The following NID1 variants were observed in gnomAD, a reference collection of about 807,000 sequenced individuals.
NID1 encodes the protein nidogen-1.
NID1 carries 76 observed loss-of-function variants against 130.6 expected under a neutral mutation model. The ratio of observed to expected loss-of-function variants is 0.58; its 90% CI spans 0.48 to 0.70. The LOEUF is 0.70. Ranked by LOEUF, NID1 falls within the 30% of genes least tolerant of loss-of-function variation. NID1 has a pLI of 0.00. For missense variants in NID1, 1,517 were observed against 1,664.8 expected (o/e 0.91, Z 1.54); for synonymous variants, 665 against 675.1 (o/e 0.98, Z 0.23).
At chr1:236,028,021 C>G (rs1558438742) in intron 7 of NID1, among the ~76,000 whole-genome samples, 1 of 152,042 alleles carries the variant, frequency 6.6e-6, no homozygotes. Context: ...TGACTCGGCA[C>G]TTCTATTTCT....
chr1:236,029,496 G>T, intron 7 of NID1, 54 bp downstream of exon 7: 2 of 1,517,528 alleles, frequency 1.3e-6, no homozygotes, highest in Non-Finnish European at 1.8e-6. Flanking sequence ...TGGGTCAAGA[G>T]CACGAGGCTA....
rs780897385 is a variant in NID1, at chr1:235,992,025, C to A, written c.2756-967G>T. The stretch of plus-strand genomic sequence containing the variant: ...ACCCCTCGCCGGGCTCCTTGATTCA[C>A]TTGATGAGACAATGTCCCAGGAGGG... On this transcript the variant is annotated intron_variant, in intron 13 of 19. Coordinates refer to ENST00000264187, the MANE Select transcript of NID1 (RefSeq NM_002508.3). Among the ~76,000 whole-genome samples, 69 of 152,182 alleles carry A rather than the reference C, an allele frequency of 4.5e-4. 1 individual carries two copies. Among genetic ancestry groups the A allele is most frequent in the Admixed American group, 3.3e-4 (5 of 15,290 alleles).
chr1:236,003,766 A>G (rs1317256223), intron 12 of NID1, among the ~76,000 whole-genome samples: 2 of 152,224 alleles, frequency 1.3e-5, no homozygotes, highest in East Asian at 3.8e-4. Context: ...GCTACTCAGG[A>G]GGCTGAGGTG....
chr1:236,051,023 C>T (rs991958158), intron 1 of NID1, among the ~76,000 whole-genome samples: 3 of 152,016 alleles, frequency 2.0e-5, no homozygotes, highest in Admixed American at 2.0e-4. Flanking sequence ...GCAGAGGCTG[C>T]AGTGAGCCGA....
chr1:235,994,641 A>T (rs893406504), intron 12 of NID1, among the ~76,000 whole-genome samples: 1 of 151,340 alleles, frequency 6.6e-6, no homozygotes, highest in Admixed American at 6.6e-5. Flanking sequence ...TTTTAAGAAA[A>T]TTTTTTTGTT....
chr1:235,999,753 C>T (rs1394122304), intron 12 of NID1, among the ~76,000 whole-genome samples: 3 of 152,110 alleles, frequency 2.0e-5, no homozygotes, highest in African/African-American at 7.2e-5. Flanking sequence ...GAAAATGAAA[C>T]AGAGTGTAAA....
intron 16 of NID1, among the ~76,000 whole-genome samples, chr1:235,981,370 C>T (rs1657431592): frequency 1.3e-5 from 2 of 152,154 alleles, no homozygotes; most frequent in Admixed American, 1.3e-4. Context: ...TCTGAGCATG[C>T]CAACTTGTAA....
At chr1:236,000,712 G>T (rs1459606739) in intron 12 of NID1, among the ~76,000 whole-genome samples, 1 of 152,210 alleles carries the variant, frequency 6.6e-6, no homozygotes, top group Non-Finnish European at 1.5e-5. Flanking sequence ...TTTACAAGAA[G>T]GAGAACTAAG....
At chr1:236,056,902 A>C (rs564460272) in intron 1 of NID1, among the ~76,000 whole-genome samples, 12 of 151,980 alleles carry the variant, frequency 7.9e-5, no homozygotes, top group South Asian at 2.1e-4. Context: ...AAAAAAAAAA[A>C]CAAAAACATG....
At chr1:236,052,106 A>C (rs1659775269) in intron 1 of NID1, among the ~76,000 whole-genome samples, 1 of 152,260 alleles carries the variant, frequency 6.6e-6, no homozygotes, top group South Asian at 2.1e-4. Context: ...CAGAACAGCC[A>C]GAAGTTTCAC....
chr1:236,015,034 A>G (rs1473642893), intron 10 of NID1, among the ~76,000 whole-genome samples: 1 of 152,204 alleles, frequency 6.6e-6, no homozygotes, highest in Non-Finnish European at 1.5e-5. Flanking sequence ...TCCTCATGAA[A>G]AGAGAATTCC....
intron 12 of NID1, among the ~76,000 whole-genome samples, chr1:235,995,800 C>G (rs924855192): frequency 1.3e-4 from 20 of 152,228 alleles, no homozygotes; most frequent in Non-Finnish European, 4.4e-5. Context: ...ACCTGTATCT[C>G]ACTGACTCTA....
chr1:236,061,993 T>C (rs141019253), intron 1 of NID1, among the ~76,000 whole-genome samples: 2 of 152,340 alleles, frequency 1.3e-5, no homozygotes, highest in East Asian at 3.9e-4. Flanking sequence ...CAGATGGTGC[T>C]GTCGCTTTGG....
intron 12 of NID1, among the ~76,000 whole-genome samples, chr1:236,008,760 A>G (rs570204427): frequency 1.5e-4 from 23 of 150,188 alleles, no homozygotes; most frequent in African/African-American, 5.7e-4. Context: ...TCTGCCCCCC[A>G]GGTTCAAGTG....
At chr1:236,012,558 C>CAAAAAAAA (rs56183830) in intron 11 of NID1, among the ~76,000 whole-genome samples, 25 of 98,062 alleles carry the variant, frequency 2.5e-4, no homozygotes, top group East Asian at 1.3e-3. Context: ...AATGCCATCT[C>CAAAAAAAA]AAAAAAAAAA....
intron 15 of NID1, among the ~76,000 whole-genome samples, chr1:235,984,988 G>C (rs1657532130): frequency 6.6e-6 from 1 of 152,184 alleles, no homozygotes; most frequent in South Asian, 2.1e-4. Context: ...AGGAGATAGA[G>C]ACCATTCTGG....
chr1:236,005,393 C>T (rs1242740930), intron 12 of NID1, among the ~76,000 whole-genome samples: 3 of 152,036 alleles, frequency 2.0e-5, no homozygotes, highest in Non-Finnish European at 2.9e-5. Context: ...AAATAACACA[C>T]GATCGTAATT....
chr1:236,053,896 C>T (rs903704619), intron 1 of NID1, among the ~76,000 whole-genome samples: 11 of 152,056 alleles, frequency 7.2e-5, no homozygotes, highest in Non-Finnish European at 1.3e-4. Context: ...GCATTACTGC[C>T]GTTCTTGCCA....
intron 2 of NID1, among the ~76,000 whole-genome samples, chr1:236,047,470 C>G (rs1004868870): frequency 2.6e-5 from 4 of 152,122 alleles, no homozygotes; most frequent in African/African-American, 9.7e-5. Context: ...ACAACGAGTT[C>G]CTGACCTACT....
Sources: gnomAD v4.1 joint callset for allele counts (sites outside exome capture counted in the v4.1 genomes callset) on GRCh38, gnomAD v4.1.1 for gene constraint, MANE v1.5 for transcripts, NCBI Gene and HGNC (gene_info 2026-07-23, HGNC 2026-07-21) for gene names.